The following ZC3H7A variants were observed in gnomAD, a reference collection of about 807,000 sequenced individuals.
The protein encoded by ZC3H7A is zinc finger CCCH domain-containing protein 7A.
ZC3H7A carries 44 observed loss-of-function variants against 125.5 expected under a neutral mutation model. The observed-to-expected ratio is 0.35, with a 90% CI of 0.28 to 0.45. The LOEUF (loss-of-function observed/expected upper bound fraction) is 0.45, where lower values mean the gene tolerates loss of function less well. Ranked by LOEUF, ZC3H7A falls within the 20% of genes least tolerant of loss-of-function variation. ZC3H7A has a pLI of 1.00. For missense variants in ZC3H7A, 977 were observed against 1,170.7 expected (o/e 0.83, Z 2.41); for synonymous variants, 399 against 391.2 (o/e 1.02, Z -0.23).
intron 3 of ZC3H7A, among the ~76,000 whole-genome samples, chr16:11,780,367 T>G (rs562387973): frequency 6.6e-6 from 1 of 152,210 alleles, no homozygotes; most frequent in East Asian, 1.9e-4. Context: ...GTGATCCGCC[T>G]GCTTCAGCCT....
At chr16:11,776,725 A>G in intron 5 of ZC3H7A, 26 bp downstream of exon 5, 2 of 1,574,990 alleles carry the variant, frequency 1.3e-6, no homozygotes, top group Non-Finnish European at 1.7e-6. Context: ...GTTACGATGT[A>G]AACAAATAAA....
At chr16:11,792,498 A>G (rs1001145977) in intron 1 of ZC3H7A, among the ~76,000 whole-genome samples, 2 of 152,234 alleles carry the variant, frequency 1.3e-5, no homozygotes, top group African/African-American at 4.8e-5. Flanking sequence ...CTTACATGGT[A>G]ACTTTAGAAA....
At chr16:11,771,017 T>A in intron 9 of ZC3H7A, 30 bp from the exon 10 acceptor site, 2 of 1,576,052 alleles carry the variant, frequency 1.3e-6, no homozygotes, top group South Asian at 1.2e-5. Context: ...GTGATTAAAA[T>A]TCATGAAGCT....
chr16:11,790,128 T>C (rs758671269), intron 1 of ZC3H7A, among the ~76,000 whole-genome samples: 12 of 148,472 alleles, frequency 8.1e-5, no homozygotes, highest in Non-Finnish European at 1.8e-4. Context: ...AAAGGGCATA[T>C]GTATTTGTTT....
At chr16:11,753,182 C>CA (rs2052580231) in intron 21 of ZC3H7A, 1 of 216,060 alleles carries the variant, frequency 4.6e-6, no homozygotes. Flanking sequence ...CAGGACATGC[C>CA]AACTCCAAAA....
chr16:11,780,574 A>G (rs1431461664), intron 3 of ZC3H7A, among the ~76,000 whole-genome samples: 3 of 152,034 alleles, frequency 2.0e-5, no homozygotes, highest in Non-Finnish European at 4.4e-5. Flanking sequence ...TATTAACAAA[A>G]CTCGTGACAT....
rs180825613 is a variant in ZC3H7A at position 11,779,375 on chromosome 16, A to C, written c.109-12T>G. The stretch of plus-strand genomic sequence containing the variant: ...GCACGCAAATATACCTAAAAAAAAG[A>C]AAGTTACCACTTGAAGCCTTTTATC... On this transcript the variant is annotated splice_polypyrimidine_tract_variant and intron_variant, in intron 3 of 22. Coordinates refer to ENST00000355758, the MANE Select transcript of ZC3H7A (RefSeq NM_014153.4). The C allele has an allele frequency of 1.3e-4, 212 of 1,603,778 alleles. 1 individual carries two copies. In the East Asian group the frequency reaches 3.6e-3, roughly 27 times the overall value.
intron 12 of ZC3H7A, among the ~76,000 whole-genome samples, chr16:11,767,918 T>C (rs769146759): frequency 6.6e-6 from 1 of 152,208 alleles, no homozygotes; most frequent in Non-Finnish European, 1.5e-5. Flanking sequence ...TGAAACAAGC[T>C]AACAGAAAGT....
chr16:11,779,800 G>T (rs1016333360), intron 3 of ZC3H7A, among the ~76,000 whole-genome samples: 3 of 152,016 alleles, frequency 2.0e-5, no homozygotes, highest in Admixed American at 6.6e-5. Context: ...GTGTGTACAC[G>T]TGTGTGGGTA....
chr16:11,792,921 A>G (rs964313985), intron 1 of ZC3H7A, among the ~76,000 whole-genome samples: 3 of 152,176 alleles, frequency 2.0e-5, no homozygotes, highest in African/African-American at 4.8e-5. Flanking sequence ...AGGAGAAATG[A>G]AAGAAACACA....
intron 1 of ZC3H7A, among the ~76,000 whole-genome samples, chr16:11,791,768 G>GA (rs1481199471): frequency 1.3e-5 from 2 of 152,160 alleles, no homozygotes; most frequent in African/African-American, 4.8e-5. Context: ...GGTGGGAAGT[G>GA]AATCAATATA....
chr16:11,764,853 T>C, intron 15 of ZC3H7A, 200 bp downstream of exon 15: 1 of 434,632 alleles, frequency 2.3e-6, no homozygotes, highest in East Asian at 4.1e-5. Context: ...TGCTTTTCTG[T>C]TTTACATAAT....
chr16:11,773,009 G>A (rs545366194), intron 9 of ZC3H7A, among the ~76,000 whole-genome samples: 2 of 151,850 alleles, frequency 1.3e-5, no homozygotes, highest in South Asian at 2.1e-4. Context: ...TTTCTATACA[G>A]GGATGGACAC....
In ZC3H7A at chr16:11,767,513, T is replaced by C; in HGVS notation, c.1426A>G (p.Ile476Val). 1 of 1,612,736 alleles carries C rather than the reference T, an allele frequency of 6.2e-7. No individual in the cohort carries two copies. The highest frequency in any genetic ancestry group is 8.5e-7 in the Non-Finnish European group (1 of 1,179,228). Residue 476 changes from isoleucine to valine, a missense_variant, in exon 13 of 23, where the codon ATC becomes GTC. Physicochemically the swap from Ile to Val is conservative, Grantham distance 29. Around this residue, in one of 3 missense-constraint regions of ZC3H7A, gnomAD observed 342 missense variants for 311.3 expected, o/e 1.10. Coordinates refer to ENST00000355758, the MANE Select transcript of ZC3H7A (RefSeq NM_014153.4). ...TCTTCAACATTCTTTATCCTACCGA[T>C]TAAAATATCTTTCTTACACTTATGA... ...IDHKCKKDIL[I>V]GRIKNVEDKS...
chr16:11,764,599 G>A (rs1191433051), intron 15 of ZC3H7A, among the ~76,000 whole-genome samples: 1 of 152,062 alleles, frequency 6.6e-6, no homozygotes, highest in Non-Finnish European at 1.5e-5. Flanking sequence ...GTGGGTGTCT[G>A]TAATCCCAGC....
At chr16:11,767,225 T>C (rs148408611) in intron 13 of ZC3H7A, among the ~76,000 whole-genome samples, 192 bp downstream of exon 13, 77 of 152,236 alleles carry the variant, frequency 5.1e-4, no homozygotes, top group Non-Finnish European at 1.0e-3. Flanking sequence ...TACAAGTCTG[T>C]AGTTTAGGAG....
intron 4 of ZC3H7A, among the ~76,000 whole-genome samples, chr16:11,777,943 C>T (rs185009106): frequency 3.3e-5 from 5 of 150,666 alleles, no homozygotes; most frequent in Admixed American, 3.3e-4. Context: ...CTCTTGAACC[C>T]GGGAGACGGA....
chr16:11,763,135 T>C, intron 16 of ZC3H7A: 1 of 241,894 alleles, frequency 4.1e-6, no homozygotes, highest in South Asian at 9.1e-5. Flanking sequence ...TTTGAGACAG[T>C]CTCATGTTAT....
In ZC3H7A at chr16:11,787,992, C is replaced by G. The variant is rs190555404; in HGVS notation, c.-34-5604G>C. Reference sequence around the variant, plus strand: ...CAGGGATTACAGGTGTGAGCCCCCTCGTCCAGCCCCATACTCCTTTTTTTA... The same window carrying G: ...CAGGGATTACAGGTGTGAGCCCCCTGGTCCAGCCCCATACTCCTTTTTTTA... On this transcript the variant is annotated intron_variant, in intron 1 of 22. Transcript: ENST00000355758. 1.1e-3 allele frequency among the ~76,000 whole-genome samples: 165 copies of G among 151,622 alleles called. 1 individual carries two copies. The highest frequency in any genetic ancestry group is 3.6e-3 in the African/African-American group (150 of 41,396).
Sources: gnomAD v4.1 joint callset for allele counts (sites outside exome capture counted in the v4.1 genomes callset) on GRCh38, gnomAD v4.1.1 for gene constraint, gnomAD v4.1.1 regional missense constraint, MANE v1.5 for transcripts, NCBI Gene and HGNC (gene_info 2026-07-23, HGNC 2026-07-21) for gene names.